The following PLD1 variants were observed in gnomAD, a reference collection of about 807,000 sequenced individuals.
The protein encoded by PLD1 is choline phosphatase 1.
Under a neutral mutation model 137.1 loss-of-function variants are expected in PLD1, and 112 were observed. That is an observed-to-expected ratio of 0.82 (90% CI 0.70 to 0.96). PLD1 has a LOEUF of 0.96. Ranked by LOEUF, PLD1 falls within the 40% of genes least tolerant of loss-of-function variation. PLD1 has a pLI of 0.00. For synonymous variants in PLD1, 431 were observed against 454.7 expected (o/e 0.95, Z 0.66); for missense variants, 1,321 against 1,342.0 (o/e 0.98, Z 0.24).
chr3:171,691,001 C>T (rs906511863), intron 13 of PLD1, among the ~76,000 whole-genome samples: 22 of 152,106 alleles, frequency 1.4e-4, no homozygotes, highest in African/African-American at 4.1e-4. Context: ...TTATTAGGTA[C>T]ATAAATATGT....
At chr3:171,787,890 T>A (rs796972831) in intron 1 of PLD1, among the ~76,000 whole-genome samples, 1 of 151,112 alleles carries the variant, frequency 6.6e-6, no homozygotes, top group African/African-American at 2.4e-5. Flanking sequence ...AAAAAAAAAA[T>A]TGTATGATTG....
At position 171,689,913 on chromosome 3, in the gene PLD1, G is replaced by A. The variant is rs113944694; in HGVS notation, c.1339-1037C>T. On this transcript the variant is annotated intron_variant, in intron 13 of 26. Transcript: ENST00000351298. Reference sequence around the variant, plus strand: ...TACAATTCAGTGGTATCAGGGTAATGAGTTAGAGAGTCTTCTCTTCTCCTC... The same window carrying A: ...TACAATTCAGTGGTATCAGGGTAATAAGTTAGAGAGTCTTCTCTTCTCCTC... 5.9e-3 allele frequency among the ~76,000 whole-genome samples: 900 copies of A among 152,312 alleles called. 9 individuals are homozygous for A. The highest frequency in any genetic ancestry group is 0.021 in the African/African-American group (861 of 41,578).
intron 23 of PLD1, among the ~76,000 whole-genome samples, chr3:171,637,785 AC>A (rs1340899652): frequency 6.6e-6 from 1 of 152,198 alleles, no homozygotes; most frequent in Non-Finnish European, 1.5e-5. Flanking sequence ...ACAGCATGAT[AC>A]TATACTGAAT....
chr3:171,638,575 A>G (rs1340804356), intron 23 of PLD1, among the ~76,000 whole-genome samples: 4 of 152,198 alleles, frequency 2.6e-5, no homozygotes, highest in Non-Finnish European at 5.9e-5. Flanking sequence ...GGATGGTAGA[A>G]CTAATTAGCA....
At chr3:171,685,470 T>A (rs191190263) in intron 16 of PLD1, among the ~76,000 whole-genome samples, 1 of 152,312 alleles carries the variant, frequency 6.6e-6, no homozygotes, top group Admixed American at 6.5e-5. Flanking sequence ...ACTGGGAGGA[T>A]GATAAATTGG....
In PLD1 at chr3:171,762,896, T is replaced by C. The variant is rs144549721; in HGVS notation, c.-31-24814A>G. The stretch of plus-strand genomic sequence containing the variant: ...GTTTAACATGTGTGAGAACATTCTA[T>C]AAAACAGAACTATTAACAAGAAAAC... On this transcript the variant is annotated intron_variant, in intron 1 of 26. Transcript: ENST00000351298. 2.7e-3 allele frequency among the ~76,000 whole-genome samples: 408 copies of C among 152,328 alleles called. 1 individual carries two copies. The highest frequency in any genetic ancestry group is 6.8e-3 in the Middle Eastern group (2 of 294).
At chr3:171,652,343 G>A (rs1355393466) in intron 21 of PLD1, among the ~76,000 whole-genome samples, 2 of 151,342 alleles carry the variant, frequency 1.3e-5, no homozygotes, top group Non-Finnish European at 2.9e-5. Context: ...AACCCAGGAG[G>A]TGGAGTTTGC....
At chr3:171,757,288 G>A (rs57260398) in intron 1 of PLD1, among the ~76,000 whole-genome samples, 3,363 of 152,236 alleles carry the variant, frequency 0.022, 128 homozygotes, top group African/African-American at 0.078. Flanking sequence ...AAAAGTATGT[G>A]TCACAAAGAA....
chr3:171,644,313 C>T (rs1736012199), intron 22 of PLD1, among the ~76,000 whole-genome samples: 1 of 152,162 alleles, frequency 6.6e-6, no homozygotes. Context: ...TCACAATGCT[C>T]CACTGGCCAA....
intron 1 of PLD1, among the ~76,000 whole-genome samples, chr3:171,777,299 G>A (rs77447077): frequency 0.023 from 3,508 of 152,278 alleles, 50 homozygotes; most frequent in Non-Finnish European, 0.037. Context: ...CCCAGGAACC[G>A]GAGAGCTGGT....
At chr3:171,796,164 G>C (rs1316381682) in intron 1 of PLD1, among the ~76,000 whole-genome samples, 1 of 152,186 alleles carries the variant, frequency 6.6e-6, no homozygotes, top group East Asian at 1.9e-4. Flanking sequence ...CAGTGAAGAA[G>C]ACGAAAATGA....
intron 18 of PLD1, among the ~76,000 whole-genome samples, chr3:171,675,489 A>G (rs929029913): frequency 9.8e-5 from 15 of 152,324 alleles, no homozygotes; most frequent in African/African-American, 3.4e-4. Context: ...ATACTTTAAA[A>G]AAGACTTATT....
chr3:171,662,837 C>A (rs995247414), intron 19 of PLD1, among the ~76,000 whole-genome samples: 3 of 152,220 alleles, frequency 2.0e-5, no homozygotes, highest in South Asian at 2.1e-4. Flanking sequence ...AAATTAATCA[C>A]AGGAAAGAGA....
chr3:171,689,915 G>A (rs909534702), intron 13 of PLD1, among the ~76,000 whole-genome samples: 1 of 152,192 alleles, frequency 6.6e-6, no homozygotes, highest in Non-Finnish European at 1.5e-5. Flanking sequence ...AGGGTAATGA[G>A]TTAGAGAGTC....
chr3:171,656,359 C>G (rs1453658444), intron 21 of PLD1, among the ~76,000 whole-genome samples: 1 of 152,000 alleles, frequency 6.6e-6, no homozygotes, highest in Non-Finnish European at 1.5e-5. Context: ...TTAGTAGAGA[C>G]AGAGTTTCAC....
intron 12 of PLD1, among the ~76,000 whole-genome samples, chr3:171,697,598 C>T (rs896824452): frequency 7.2e-5 from 11 of 152,116 alleles, no homozygotes; most frequent in Admixed American, 6.5e-4. Flanking sequence ...ATCCCCCATC[C>T]GGCTATGCTA....
intron 1 of PLD1, among the ~76,000 whole-genome samples, 196 bp from the exon 2 acceptor site, chr3:171,738,278 A>G (rs951222523): frequency 6.6e-6 from 1 of 152,032 alleles, no homozygotes; most frequent in African/African-American, 2.4e-5. Flanking sequence ...GTAAATTAAA[A>G]CAGAGTGCTT....
intron 25 of PLD1, among the ~76,000 whole-genome samples, chr3:171,608,628 T>C (rs942934301): frequency 2.0e-5 from 3 of 152,152 alleles, no homozygotes; most frequent in Non-Finnish European, 2.9e-5. Flanking sequence ...CAGATAGTGA[T>C]TCAGTGTATC....
At chr3:171,728,052 G>A (rs1718670446) in intron 6 of PLD1, among the ~76,000 whole-genome samples, 1 of 152,210 alleles carries the variant, frequency 6.6e-6, no homozygotes, top group South Asian at 2.1e-4. Context: ...GCTCACGCCT[G>A]TAATCCCAGC....
Sources: allele counts gnomAD v4.1 joint callset (sites outside exome capture counted in the v4.1 genomes callset), GRCh38; gene constraint gnomAD v4.1.1; transcripts MANE v1.5; gene names NCBI Gene and HGNC (gene_info 2026-07-23, HGNC 2026-07-21).